The following LRRN1 variants were observed in gnomAD, a reference collection of about 807,000 sequenced individuals.
The protein encoded by LRRN1 is leucine-rich repeat neuronal protein 1.
A neutral mutation model predicts 45.8 loss-of-function variants in LRRN1; 14 were observed. That is an observed-to-expected ratio of 0.31 (90% CI 0.20 to 0.48). The LOEUF (loss-of-function observed/expected upper bound fraction) is 0.48. Among genes scored for constraint, LRRN1 ranks in the 20% least tolerant of loss-of-function variants. The probability of loss-of-function intolerance (pLI) is 0.99; values close to 1 mark genes in which losing one functional copy is unlikely to be tolerated. For missense variants in LRRN1, 789 were observed against 874.2 expected, an observed-to-expected ratio of 0.90 and a Z score of 1.23; for synonymous variants, 359 against 330.1, an observed-to-expected ratio of 1.09 and a Z score of -0.95.
intron 1 of LRRN1, among the ~76,000 whole-genome samples, chr3:3,814,601 G>C (rs973954777): frequency 6.6e-6 from 1 of 152,110 alleles, no homozygotes; most frequent in African/African-American, 2.4e-5. Context: ...GGGGCCTTTT[G>C]GGAAGTGATG....
chr3:3,803,345 G>T (rs1294517332), intron 1 of LRRN1, among the ~76,000 whole-genome samples: 1 of 152,162 alleles, frequency 6.6e-6, no homozygotes, highest in Non-Finnish European at 1.5e-5. Context: ...ACCACCATAA[G>T]TAGGCCATAA....
At chr3:3,831,417 GT>G (rs1435775352) in intron 1 of LRRN1, among the ~76,000 whole-genome samples, 1 of 152,250 alleles carries the variant, frequency 6.6e-6, no homozygotes, top group Non-Finnish European at 1.5e-5. Flanking sequence ...AGTCCATTGT[GT>G]TTGCTACTTC....
intron 1 of LRRN1, among the ~76,000 whole-genome samples, chr3:3,834,493 TGTATTAGC>T (rs1693442791): frequency 1.1e-5 from 1 of 92,338 alleles, no homozygotes; most frequent in South Asian, 3.9e-4. Context: ...TACCAAAATC[TGTATTAGC>T]GTTCTCTTAG....
At chr3:3,827,431 A>G (rs1255403335) in intron 1 of LRRN1, 1 of 456,588 alleles carries the variant, frequency 2.2e-6, no homozygotes, top group Admixed American at 2.4e-5. Flanking sequence ...CAGTCCACAC[A>G]GTGGAGTCTG....
chr3:3,847,998 A>G lies in LRRN1; in HGVS notation c.*1206A>G, dbSNP rs1693812719. On this transcript the variant is annotated 3_prime_UTR_variant, in exon 2 of 2. Transcript: ENST00000319331. ...CACAATGCGTGTGTATATATATATG[A>G]ATATATTGGATATGTCATTTCTGTA... Among the ~76,000 whole-genome samples the G allele has an allele frequency of 6.6e-6, 1 of 152,160 alleles. No individual in the cohort carries two copies. Among genetic ancestry groups the G allele is most frequent in the Admixed American group, 6.5e-5 (1 of 15,272 alleles).
Position 3,846,723 on chromosome 3 carries a change from A to G in LRRN1, c.2082A>G (p.Lys694=). Residue 694 remains lysine (K), a synonymous_variant, in exon 2 of 2, where the codon AAA becomes AAG. Coordinates refer to ENST00000319331, the MANE Select transcript of LRRN1 (RefSeq NM_020873.7). The surrounding 1 kb of genome is among the most constrained non-coding windows in gnomAD (Gnocchi z 5.7). Reference sequence around the variant, plus strand: ...ACCTCTGGGAAGGTGACAGCGAGAAAGACAAAGATGGTTCTGCAGACACCA... The same window carrying G: ...ACCTCTGGGAAGGTGACAGCGAGAAGGACAAAGATGGTTCTGCAGACACCA... ...LINLWEGDSE[K]DKDGSADTKP... The G allele has an allele frequency of 6.2e-7, 1 of 1,614,058 alleles. No individual in the cohort carries two copies. The highest frequency in any genetic ancestry group is 2.2e-5 in the East Asian group (1 of 44,866).
chr3:3,816,469 C>T lies in LRRN1; in HGVS notation c.-279+16550C>T, dbSNP rs982958398. On this transcript the variant is annotated intron_variant, in intron 1 of 1. Coordinates refer to ENST00000319331, the MANE Select transcript of LRRN1 (RefSeq NM_020873.7). This position sits in a 1 kb window ranked among gnomAD's most constrained non-coding sequence, Gnocchi z 4.0. ...ATCCTAATTAACTAGATCCCCTCCA[C>T]CCTCAGTCCACTTTTAGAAGAAAAG... is the stretch of plus-strand genomic sequence containing the variant. Among the ~76,000 whole-genome samples the T allele has an allele frequency of 2.6e-5, 4 of 152,052 alleles. No individual in the cohort carries two copies. The highest frequency in any genetic ancestry group is 5.9e-5 in the Non-Finnish European group (4 of 68,004).
intron 1 of LRRN1, among the ~76,000 whole-genome samples, chr3:3,840,709 A>G (rs1693633661): frequency 6.6e-6 from 1 of 152,182 alleles, no homozygotes; most frequent in Non-Finnish European, 1.5e-5. Context: ...GGAGAAAAAA[A>G]TGTCTTCCTC....
intron 1 of LRRN1, among the ~76,000 whole-genome samples, chr3:3,842,766 ACT>A (rs1402704205): frequency 6.6e-6 from 1 of 152,142 alleles, no homozygotes; most frequent in African/African-American, 2.4e-5. Context: ...GAAACATGTA[ACT>A]CTGCTTCGAA....
chr3:3,826,915 C>T (rs552979435), intron 1 of LRRN1, among the ~76,000 whole-genome samples: 1 of 152,152 alleles, frequency 6.6e-6, no homozygotes, highest in South Asian at 2.1e-4. Context: ...CTCTCTTTGA[C>T]CCCCCTGTAC....
intron 1 of LRRN1, among the ~76,000 whole-genome samples, chr3:3,805,961 C>G (rs1022793966): frequency 5.9e-5 from 9 of 152,172 alleles, no homozygotes; most frequent in Non-Finnish European, 1.2e-4. Flanking sequence ...CATTCTCCTA[C>G]AAGTATTTAT....
At chr3:3,840,819 A>G (rs1320916029) in intron 1 of LRRN1, among the ~76,000 whole-genome samples, 1 of 152,188 alleles carries the variant, frequency 6.6e-6, no homozygotes, top group Non-Finnish European at 1.5e-5. Flanking sequence ...AAATTTGAAC[A>G]TTTCAACACA....
chr3:3,833,412 G>T (rs114877780), intron 1 of LRRN1, among the ~76,000 whole-genome samples: 1 of 152,044 alleles, frequency 6.6e-6, no homozygotes, highest in African/African-American at 2.4e-5. Context: ...CTACTTAGTC[G>T]GCCCAAATCA....
At chr3:3,843,575 C>A (rs1867432) in intron 1 of LRRN1, among the ~76,000 whole-genome samples, 44,798 of 151,342 alleles carry the variant, frequency 0.3, 8,021 homozygotes, top group East Asian at 0.49. Context: ...CTGTACCCCC[C>A]CCCATACCCC....
At chr3:3,819,199 C>G (rs552936287) in intron 1 of LRRN1, among the ~76,000 whole-genome samples, 8 of 152,132 alleles carry the variant, frequency 5.3e-5, no homozygotes, top group African/African-American at 1.7e-4. Flanking sequence ...TGTTAGCAGG[C>G]TGGTCTTGAA....
rs772125782 is a variant in LRRN1 at position 3,827,532 on chromosome 3, T to C, written c.-278-16832T>C. 27 of 456,084 alleles carry C rather than the reference T, an allele frequency of 5.9e-5. No homozygotes were observed. The East Asian group carries it at 1.3e-3, about 21-fold the overall frequency. 28.3% of individuals were successfully genotyped at this position (456,084 alleles called of 1,614,324 possible). The stretch of plus-strand genomic sequence containing the variant: ...ACTCTGTAAGGCAAGAAGGAAATCT[T>C]GGTTGAACAAAAATCCCATTTCCCC... On this transcript the variant is annotated intron_variant, in intron 1 of 1. Coordinates refer to ENST00000319331, the MANE Select transcript of LRRN1 (RefSeq NM_020873.7).
intron 1 of LRRN1, among the ~76,000 whole-genome samples, chr3:3,808,283 A>G (rs938983551): frequency 2.6e-5 from 4 of 152,132 alleles, no homozygotes; most frequent in Non-Finnish European, 4.4e-5. Flanking sequence ...TGCCTTTCCA[A>G]TGTGTTGGGA....
At chr3:3,828,558 C>G (rs1693282184) in intron 1 of LRRN1, among the ~76,000 whole-genome samples, 1 of 152,076 alleles carries the variant, frequency 6.6e-6, no homozygotes, top group Admixed American at 6.6e-5. Context: ...TTAACTATCA[C>G]AAGTCCATCC....
intron 1 of LRRN1, among the ~76,000 whole-genome samples, chr3:3,831,313 C>T (rs1321617623): frequency 6.6e-6 from 1 of 152,204 alleles, no homozygotes; most frequent in African/African-American, 2.4e-5. Flanking sequence ...GGCCCCACAC[C>T]ACTGGACCCC....
Sources: gnomAD v4.1 joint callset for allele counts (sites outside exome capture counted in the v4.1 genomes callset) on GRCh38, gnomAD v4.1.1 for gene constraint, Gnocchi (gnomAD v3.1) non-coding constraint, MANE v1.5 for transcripts, NCBI Gene and HGNC (gene_info 2026-07-23, HGNC 2026-07-21) for gene names.